Variants in PDE10A observed in about 807,000 individuals in gnomAD.
PDE10A encodes the protein phosphodiesterase 10A.
Under a neutral mutation model 97.7 loss-of-function variants are expected in PDE10A, and 39 were observed. The ratio of observed to expected loss-of-function variants is 0.40; its 90% CI spans 0.31 to 0.52. PDE10A has a LOEUF of 0.52. Ranked by LOEUF, PDE10A falls within the 20% of genes least tolerant of loss-of-function variation. The pLI is 0.56. For synonymous variants in PDE10A, 371 were observed against 376.8 expected (o/e 0.98, Z 0.18); for missense variants, 731 against 1,047.8 (o/e 0.70, Z 4.17).
intron 1 of PDE10A, among the ~76,000 whole-genome samples, chr6:165,563,009 G>T (rs899532824): frequency 6.6e-6 from 1 of 152,084 alleles, no homozygotes; most frequent in South Asian, 2.1e-4. Flanking sequence ...TGCTCACGTT[G>T]AGAAATCCTG....
At chr6:165,555,618 T>C (rs1488782383) in intron 1 of PDE10A, among the ~76,000 whole-genome samples, 1 of 152,252 alleles carries the variant, frequency 6.6e-6, no homozygotes, top group Non-Finnish European at 1.5e-5. Context: ...TACCTATATT[T>C]AAGAATATTT....
chr6:165,685,798 C>T (rs1791098146), intron 1 of PDE10A, among the ~76,000 whole-genome samples: 1 of 152,132 alleles, frequency 6.6e-6, no homozygotes, highest in South Asian at 2.1e-4. Flanking sequence ...TTTTCAGATG[C>T]ATTATATGGG....
chr6:165,500,845 G>A (rs1341671203), intron 2 of PDE10A, among the ~76,000 whole-genome samples: 3 of 152,124 alleles, frequency 2.0e-5, no homozygotes, highest in East Asian at 1.9e-4. Context: ...GGAGAAAACC[G>A]CCTTAGGGCT....
rs185397100 is a variant in PDE10A at position 165,463,652 on chromosome 6, G to T, written c.1024-13290C>A. 2.8e-3 allele frequency among the ~76,000 whole-genome samples: 427 copies of T among 151,420 alleles called. 3 individuals carry two copies. The highest frequency in any genetic ancestry group is 9.8e-3 in the African/African-American group (400 of 40,728). On this transcript the variant is annotated intron_variant, in intron 3 of 21. Coordinates refer to ENST00000539869, the MANE Select transcript of PDE10A (RefSeq NM_001385079.1). ...TGCTTTTATCGATTTGCAAATCAAA[G>T]AAGGGGGACATGTTGGGAATAAGCC...
At chr6:165,611,529 G>C (rs886065267) in intron 1 of PDE10A, among the ~76,000 whole-genome samples, 3 of 152,258 alleles carry the variant, frequency 2.0e-5, no homozygotes, top group African/African-American at 7.2e-5. Flanking sequence ...GCTGTGCCCA[G>C]AAGGGGCGGG....
intron 1 of PDE10A, among the ~76,000 whole-genome samples, chr6:165,765,052 CAG>C (rs761572621): frequency 6.3e-4 from 96 of 152,170 alleles, no homozygotes; most frequent in South Asian, 1.5e-3. Flanking sequence ...CAGCTAGATA[CAG>C]AGTGTGGATT....
chr6:165,513,806 C>T (rs1447579804), intron 2 of PDE10A, among the ~76,000 whole-genome samples: 1 of 151,976 alleles, frequency 6.6e-6, no homozygotes, highest in Non-Finnish European at 1.5e-5. Flanking sequence ...TCAGATTGTT[C>T]ATTTTTATGT....
chr6:165,825,188 G>A (rs1328499867), intron 1 of PDE10A, among the ~76,000 whole-genome samples: 1 of 150,746 alleles, frequency 6.6e-6, no homozygotes, highest in Non-Finnish European at 1.5e-5. Context: ...AGAAAGGGGG[G>A]CATTTGTTAA....
At chr6:165,431,844 C>A (rs759929150) in intron 7 of PDE10A, among the ~76,000 whole-genome samples, 4 of 151,988 alleles carry the variant, frequency 2.6e-5, no homozygotes, top group Non-Finnish European at 5.9e-5. Context: ...GGAAAACAAA[C>A]TGATTGTTAA....
At chr6:165,524,401 A>G (rs1782305281) in intron 2 of PDE10A, among the ~76,000 whole-genome samples, 1 of 152,170 alleles carries the variant, frequency 6.6e-6, no homozygotes, top group Admixed American at 6.5e-5. Context: ...GAGAACACCA[A>G]TAGTCCTTGG....
intron 1 of PDE10A, among the ~76,000 whole-genome samples, chr6:165,861,590 A>G (rs1780906047): frequency 6.6e-6 from 1 of 151,994 alleles, no homozygotes; most frequent in Non-Finnish European, 1.5e-5. Flanking sequence ...CCGAGCAAGC[A>G]GAGAATGGTG....
chr6:165,555,006 T>C (rs1784182155), intron 1 of PDE10A, among the ~76,000 whole-genome samples: 1 of 152,086 alleles, frequency 6.6e-6, no homozygotes, highest in Admixed American at 6.5e-5. Flanking sequence ...AAAAGGATGA[T>C]TACCAGAGAG....
intron 1 of PDE10A, among the ~76,000 whole-genome samples, chr6:165,976,352 A>C (rs1042968809): frequency 3.3e-5 from 5 of 152,146 alleles, no homozygotes; most frequent in Admixed American, 3.3e-4. Flanking sequence ...CCTAAATCTC[A>C]AGCCACAGGT....
At chr6:165,608,345 G>A (rs1294277325) in intron 1 of PDE10A, among the ~76,000 whole-genome samples, 2 of 146,396 alleles carry the variant, frequency 1.4e-5, no homozygotes, top group Non-Finnish European at 3.0e-5. Context: ...CCACCTATGA[G>A]TGAGAACATG....
intron 1 of PDE10A, among the ~76,000 whole-genome samples, chr6:165,651,127 C>G (rs553892091): frequency 6.0e-4 from 92 of 152,206 alleles, no homozygotes; most frequent in Non-Finnish European, 1.2e-3. Flanking sequence ...TACAGAAGCA[C>G]CTGCCTCCTC....
intron 3 of PDE10A, among the ~76,000 whole-genome samples, chr6:165,453,679 C>T (rs1777769907): frequency 6.6e-6 from 1 of 152,238 alleles, no homozygotes; most frequent in African/African-American, 2.4e-5. Flanking sequence ...CCACATAATA[C>T]TAACTGCAAA....
chr6:165,930,789 C>T (rs545595189), intron 1 of PDE10A, among the ~76,000 whole-genome samples: 5 of 152,176 alleles, frequency 3.3e-5, no homozygotes, highest in African/African-American at 1.2e-4. Context: ...TAACGAGGGC[C>T]GAGGCTGTGA....
chr6:165,395,291 AC>A, intron 14 of PDE10A, 27 bp from the exon 15 acceptor site: 1 of 1,437,428 alleles, frequency 7.0e-7, no homozygotes, highest in Non-Finnish European at 9.8e-7. Context: ...GCAGTTTATC[AC>A]TAAACGTGAT....
intron 3 of PDE10A, among the ~76,000 whole-genome samples, chr6:165,452,240 T>C (rs1325595534): frequency 2.0e-5 from 3 of 152,080 alleles, no homozygotes; most frequent in African/African-American, 7.2e-5. Flanking sequence ...AGAGGACAAG[T>C]GGGAGCACTT....
Sources: allele counts gnomAD v4.1 joint callset (sites outside exome capture counted in the v4.1 genomes callset), GRCh38; gene constraint gnomAD v4.1.1; transcripts MANE v1.5; gene names NCBI Gene and HGNC (gene_info 2026-07-23, HGNC 2026-07-21).